Variants in AFAP1 observed in about 807,000 individuals in gnomAD.
The protein encoded by AFAP1 is actin filament-associated protein 1.
Under a neutral mutation model 93.9 loss-of-function variants are expected in AFAP1, and 75 were observed. The ratio of observed to expected loss-of-function variants is 0.80; its 90% CI spans 0.66 to 0.97. The LOEUF is 0.97. AFAP1 is among the 50% of genes least tolerant of loss of function. The pLI is 0.00. For synonymous variants in AFAP1, 517 were observed against 430.7 expected, an observed-to-expected ratio of 1.20 and a Z score of -2.48; for missense variants, 1,201 against 1,050.8, an observed-to-expected ratio of 1.14 and a Z score of -1.98.
chr4:7,873,185 G>C (rs572019996), intron 1 of AFAP1, among the ~76,000 whole-genome samples: 70 of 137,526 alleles, frequency 5.1e-4, no homozygotes, highest in African/African-American at 1.8e-3. Context: ...GGAGGTTTCA[G>C]TGAGCCAAGA....
intron 1 of AFAP1, among the ~76,000 whole-genome samples, chr4:7,922,561 G>T (rs980043935): frequency 6.6e-6 from 1 of 152,194 alleles, no homozygotes; most frequent in African/African-American, 2.4e-5. Flanking sequence ...TCAGAACAGG[G>T]CTTAGGCAAC....
chr4:7,825,328 C>T (rs1238480353), intron 6 of AFAP1, among the ~76,000 whole-genome samples: 1 of 152,102 alleles, frequency 6.6e-6, no homozygotes, highest in Admixed American at 6.5e-5. Context: ...TCCTTTTATG[C>T]GGCAGTTCTT....
At chr4:7,933,910 A>T (rs1374897674) in intron 1 of AFAP1, among the ~76,000 whole-genome samples, 3 of 152,228 alleles carry the variant, frequency 2.0e-5, no homozygotes, top group African/African-American at 7.2e-5. Context: ...GAGATGATAC[A>T]ATTTCAATTA....
chr4:7,879,698 G>C (rs796506737), intron 1 of AFAP1, among the ~76,000 whole-genome samples: 2 of 101,662 alleles, frequency 2.0e-5, no homozygotes, highest in Non-Finnish European at 4.4e-5. Flanking sequence ...CTGCTTGCTT[G>C]CTTTTTTTTT....
At chr4:7,866,657 A>C (rs988837989) in intron 3 of AFAP1, among the ~76,000 whole-genome samples, 1 of 152,238 alleles carries the variant, frequency 6.6e-6, no homozygotes, top group Non-Finnish European at 1.5e-5. Context: ...CAGAAAATGG[A>C]AGAACTGCTG....
At chr4:7,918,358 C>G (rs968184662) in intron 1 of AFAP1, among the ~76,000 whole-genome samples, 3 of 148,054 alleles carry the variant, frequency 2.0e-5, no homozygotes, top group Non-Finnish European at 4.5e-5. Context: ...AAGAGACACT[C>G]AGCCCAGGTC....
At chr4:7,870,725 G>A (rs1481846330) in intron 2 of AFAP1, among the ~76,000 whole-genome samples, 1 of 151,934 alleles carries the variant, frequency 6.6e-6, no homozygotes, top group Non-Finnish European at 1.5e-5. Context: ...TCTTATCTAA[G>A]TGGCAGGCCC....
chr4:7,865,926 C>T (rs562164801), intron 3 of AFAP1, among the ~76,000 whole-genome samples: 28 of 152,320 alleles, frequency 1.8e-4, no homozygotes, highest in East Asian at 3.9e-4. Context: ...GACGGAGTCT[C>T]GGTCTTGTTA....
intron 1 of AFAP1, among the ~76,000 whole-genome samples, chr4:7,924,515 T>G (rs1720620271): frequency 6.6e-6 from 1 of 152,212 alleles, no homozygotes; most frequent in Admixed American, 6.5e-5. Context: ...TCAAGATAAA[T>G]GGCCCAGTTG....
chr4:7,935,802 CT>C (rs1721345304), intron 1 of AFAP1, among the ~76,000 whole-genome samples: 1 of 152,204 alleles, frequency 6.6e-6, no homozygotes. Flanking sequence ...GAGAAAAGAA[CT>C]CTGAAATGCA....
intron 1 of AFAP1, among the ~76,000 whole-genome samples, chr4:7,933,371 G>C (rs142459035): frequency 6.6e-6 from 1 of 152,080 alleles, no homozygotes; most frequent in African/African-American, 2.4e-5. Context: ...TCAAGAGATC[G>C]AGACCATCCT....
Position 7,843,187 on chromosome 4 carries a change from G to A in AFAP1, c.498C>T (p.Phe166=), listed in dbSNP as rs115988994. 1.7e-4 allele frequency: 270 copies of A among 1,614,132 alleles called. No individual in the cohort carries two copies. The African/African-American group carries it at 2.4e-3, about 15-fold the overall frequency. ...CGCAGAGCAACTTGGTCCACTGGCC[G>A]AACCGCTTCTTCCGCAGCAGGAAGG... ...ICAFLLRKKR[F]GQWTKLLCVI... Residue 166 remains phenylalanine, a synonymous_variant, in exon 5 of 18, where the codon TTC becomes TTT. Transcript: ENST00000420658.
At chr4:7,782,971 T>G (rs1716918684) in intron 12 of AFAP1, among the ~76,000 whole-genome samples, 1 of 152,130 alleles carries the variant, frequency 6.6e-6, no homozygotes, top group South Asian at 2.1e-4. Context: ...TACCAAAGAT[T>G]AAGTCACACG....
chr4:7,773,100 A>C (rs899741464), intron 15 of AFAP1, 90 bp from the exon 16 acceptor site: 1 of 1,487,114 alleles, frequency 6.7e-7, no homozygotes, highest in Admixed American at 2.3e-5. Flanking sequence ...AAGAACTTCC[A>C]CAAAACGTCT....
intron 6 of AFAP1, among the ~76,000 whole-genome samples, chr4:7,833,221 G>A (rs888223742): frequency 6.6e-6 from 1 of 152,144 alleles, no homozygotes; most frequent in African/African-American, 2.4e-5. Context: ...ACAACCCACA[G>A]AGTGAGAGAA....
chr4:7,768,818 A>G (rs748144768), intron 17 of AFAP1, 26 bp downstream of exon 17: 1 of 1,545,250 alleles, frequency 6.5e-7, no homozygotes, highest in East Asian at 2.3e-5. Flanking sequence ...CAGGACACCC[A>G]GACACCCCCG....
chr4:7,846,330 A>C (rs1478014711), intron 4 of AFAP1, among the ~76,000 whole-genome samples: 1 of 152,202 alleles, frequency 6.6e-6, no homozygotes, highest in Non-Finnish European at 1.5e-5. Flanking sequence ...AGGGTTTTTA[A>C]AACAGTAAGC....
intron 1 of AFAP1, among the ~76,000 whole-genome samples, chr4:7,932,042 T>TA (rs921555210): frequency 6.6e-6 from 1 of 151,982 alleles, no homozygotes; most frequent in African/African-American, 2.4e-5. Flanking sequence ...TTGTATTTTT[T>TA]AGTAGAGATG....
chr4:7,876,206 G>A (rs1054045503), intron 1 of AFAP1, among the ~76,000 whole-genome samples: 15 of 152,208 alleles, frequency 9.9e-5, no homozygotes, highest in African/African-American at 2.9e-4. Context: ...GTGCGACCAT[G>A]AGGCCGCTGT....
Sources: gnomAD v4.1 joint callset for allele counts (sites outside exome capture counted in the v4.1 genomes callset) on GRCh38, gnomAD v4.1.1 for gene constraint, MANE v1.5 for transcripts, NCBI Gene and HGNC (gene_info 2026-07-23, HGNC 2026-07-21) for gene names.